Variants in KLHL6 observed in about 807,000 individuals in gnomAD.
KLHL6 encodes the protein kelch-like protein 6.
In KLHL6, 41 loss-of-function variants were observed where a neutral mutation model predicts 58.6. The ratio of observed to expected loss-of-function variants is 0.70; its 90% CI spans 0.55 to 0.91. The LOEUF (loss-of-function observed/expected upper bound fraction) is 0.91, where lower values mean the gene tolerates loss of function less well. KLHL6 is among the 40% of genes least tolerant of loss of function. KLHL6 has a pLI of 0.00. For missense variants in KLHL6, 714 were observed against 805.6 expected (o/e 0.89, Z 1.38); for synonymous variants, 338 against 322.7 (o/e 1.05, Z -0.51).
chr3:183,551,991 T>G (rs1245277646), intron 1 of KLHL6: 3 of 152,198 alleles, frequency 2.0e-5, no homozygotes, highest in Non-Finnish European at 4.4e-5. Context: ...ATGTTTGATC[T>G]TACTAAAAAT....
rs767470469 is a variant in KLHL6 at position 183,499,709 on chromosome 3, A to C, written c.1028T>G (p.Leu343Arg). The C allele has an allele frequency of 6.2e-7, 1 of 1,610,990 alleles. No homozygotes were observed. Among genetic ancestry groups the C allele is most frequent in the African/African-American group, 1.3e-5 (1 of 74,932 alleles). The change falls in exon 4 of 7, where the codon CTG (leucine) becomes CGG (arginine). Residue 343 changes from leucine (L) to arginine (R), a missense_variant. Coordinates refer to ENST00000341319, the MANE Select transcript of KLHL6 (RefSeq NM_130446.4). This position sits in a 1 kb window ranked among gnomAD's most constrained non-coding sequence, Gnocchi z 4.6. ...FVAEVTCLDP[L>R]RRSRLEVAKL... ...GGCCACCTCCAGGCGGCTGCGCCTC[A>C]GGGGGTCCAGGCAGGTCACCTCTGC...
At chr3:183,496,915 A>T (rs1026711992) in intron 4 of KLHL6, among the ~76,000 whole-genome samples, 6 of 152,246 alleles carry the variant, frequency 3.9e-5, no homozygotes, top group Admixed American at 3.9e-4. Context: ...AGGTGGGCGG[A>T]TCACCTGAGA....
intron 3 of KLHL6, among the ~76,000 whole-genome samples, chr3:183,507,289 A>T (rs1381078360): frequency 6.6e-6 from 1 of 152,210 alleles, no homozygotes; most frequent in Non-Finnish European, 1.5e-5. Context: ...AGAAATTCAG[A>T]TGGTGAGAGT....
chr3:183,542,491 C>T (rs1175192679), intron 1 of KLHL6, among the ~76,000 whole-genome samples: 1 of 152,158 alleles, frequency 6.6e-6, no homozygotes, highest in Non-Finnish European at 1.5e-5. Flanking sequence ...TCTCCTTTCT[C>T]CCCTCTGGCC....
chr3:183,513,029 A>C (rs1196487702), intron 2 of KLHL6, among the ~76,000 whole-genome samples: 1 of 152,226 alleles, frequency 6.6e-6, no homozygotes, highest in Non-Finnish European at 1.5e-5. Context: ...AAATGTTAGC[A>C]GTGGTTATAG....
At chr3:183,548,139 G>A (rs900483614) in intron 1 of KLHL6, among the ~76,000 whole-genome samples, 1 of 152,196 alleles carries the variant, frequency 6.6e-6, no homozygotes, top group African/African-American at 2.4e-5. Flanking sequence ...CAAGGAAGCA[G>A]GGTCAGGGTG....
At chr3:183,546,822 C>T (rs1022562864) in intron 1 of KLHL6, among the ~76,000 whole-genome samples, 7 of 151,978 alleles carry the variant, frequency 4.6e-5, no homozygotes, top group African/African-American at 1.4e-4. Flanking sequence ...TAGACATCGG[C>T]GTTGAGCCTC....
chr3:183,500,775 G>A (rs112705739), intron 3 of KLHL6, among the ~76,000 whole-genome samples: 6 of 152,286 alleles, frequency 3.9e-5, no homozygotes, highest in African/African-American at 7.2e-5. Flanking sequence ...GACACAAGGC[G>A]GAGAGGCAGC....
At chr3:183,523,959 T>A (rs547682144) in intron 2 of KLHL6, among the ~76,000 whole-genome samples, 5 of 152,124 alleles carry the variant, frequency 3.3e-5, no homozygotes, top group African/African-American at 1.2e-4. Flanking sequence ...CGGGGTTTCA[T>A]CATGTTGGCC....
intron 2 of KLHL6, among the ~76,000 whole-genome samples, chr3:183,525,254 A>ACT (rs1560103319): frequency 6.7e-6 from 1 of 150,316 alleles, no homozygotes; most frequent in Non-Finnish European, 1.5e-5. Flanking sequence ...ACAGAGTGAG[A>ACT]CTCTCTAAAA....
chr3:183,549,418 A>G (rs141859805), intron 1 of KLHL6, among the ~76,000 whole-genome samples: 1,951 of 152,352 alleles, frequency 0.013, 36 homozygotes, highest in African/African-American at 0.045. Context: ...TTATATATCT[A>G]TAATCCCTTA....
At chr3:183,503,876 T>C (rs1717934497) in intron 3 of KLHL6, among the ~76,000 whole-genome samples, 1 of 152,150 alleles carries the variant, frequency 6.6e-6, no homozygotes, top group African/African-American at 2.4e-5. Context: ...GAGAAATGTG[T>C]TCACAGAGTA....
At chr3:183,539,721 C>A (rs4066040) in intron 1 of KLHL6, among the ~76,000 whole-genome samples, 7,161 of 146,746 alleles carry the variant, frequency 0.049, 612 homozygotes, top group African/African-American at 0.17. Flanking sequence ...AAAAAAAAAA[C>A]AAAAAAACAA....
chr3:183,542,941 G>A (rs997031545), intron 1 of KLHL6, among the ~76,000 whole-genome samples: 4 of 152,142 alleles, frequency 2.6e-5, no homozygotes, highest in Admixed American at 2.0e-4. Context: ...ACTCAGCACT[G>A]TAGTTCTGAA....
intron 1 of KLHL6, among the ~76,000 whole-genome samples, chr3:183,535,372 T>C (rs115692386): frequency 0.023 from 3,490 of 152,300 alleles, 133 homozygotes; most frequent in African/African-American, 0.079. Flanking sequence ...AACTCAGGTG[T>C]TGGGGTCACC....
At chr3:183,502,252 A>G (rs1717885265) in intron 3 of KLHL6, among the ~76,000 whole-genome samples, 1 of 151,974 alleles carries the variant, frequency 6.6e-6, no homozygotes, top group African/African-American at 2.4e-5. Context: ...CAGTGAGCCA[A>G]CGTCGCAGCA....
chr3:183,531,245 C>T (rs187160895), intron 1 of KLHL6, among the ~76,000 whole-genome samples: 13 of 151,906 alleles, frequency 8.6e-5, no homozygotes, highest in Non-Finnish European at 1.9e-4. Context: ...ACCTGGGAGT[C>T]GGGGGAGGGG....
At chr3:183,519,319 G>C (rs1206070087) in intron 2 of KLHL6, among the ~76,000 whole-genome samples, 3 of 152,174 alleles carry the variant, frequency 2.0e-5, no homozygotes, top group African/African-American at 7.2e-5. Context: ...CTGGGGACTT[G>C]TTGATGTCAG....
Position 183,555,689 on chromosome 3 carries a change from C to T in KLHL6, c.-36G>A, listed in dbSNP as rs1386261772. ...GGAGCGCCCAAGTGTCAGGCAGGCCCCATTGCAGGAGCTGAGCGGATTTCC... is the reference window on the plus strand; with the variant it reads ...GGAGCGCCCAAGTGTCAGGCAGGCCTCATTGCAGGAGCTGAGCGGATTTCC... On this transcript the variant is annotated 5_prime_UTR_variant, in exon 1 of 7. Coordinates refer to ENST00000341319, the MANE Select transcript of KLHL6 (RefSeq NM_130446.4). 6.5e-7 allele frequency: 1 copy of T among 1,538,242 alleles called. No individual in the cohort carries two copies. Among genetic ancestry groups the T allele is most frequent in the Non-Finnish European group, 8.7e-7 (1 of 1,147,346 alleles).
Sources: gnomAD v4.1 joint callset for allele counts (sites outside exome capture counted in the v4.1 genomes callset) on GRCh38, gnomAD v4.1.1 for gene constraint, Gnocchi (gnomAD v3.1) non-coding constraint, MANE v1.5 for transcripts, NCBI Gene and HGNC (gene_info 2026-07-23, HGNC 2026-07-21) for gene names.